ETV6: variants seen among roughly 807,000 people sequenced by gnomAD.
The protein encoded by ETV6 is ETS variant transcription factor 6.
In ETV6, 16 loss-of-function variants were observed where a neutral mutation model predicts 51.1. The observed-to-expected ratio is 0.31, with a 90% CI of 0.21 to 0.48. ETV6 has a LOEUF of 0.48. Ranked by LOEUF, ETV6 falls within the 20% of genes least tolerant of loss-of-function variation. The pLI is 0.99. For missense variants in ETV6, 458 were observed against 594.8 expected (o/e 0.77, Z 2.39); for synonymous variants, 240 against 224.1 (o/e 1.07, Z -0.64).
chr12:11,809,414 C>T lies in ETV6; in HGVS notation c.164-29726C>T, dbSNP rs181202839. ...ATCTATTTAGCCATAGCTAAAGGAA[C>T]GTATTATCAGCTATTGATTTCCTCT... On this transcript the variant is annotated intron_variant, in intron 2 of 7. Transcript: ENST00000396373. 1.0e-3 allele frequency among the ~76,000 whole-genome samples: 154 copies of T among 152,142 alleles called. 2 individuals carry two copies. In the East Asian group the frequency reaches 0.028, roughly 27 times the overall value.
At chr12:11,767,793 A>T (rs1008012865) in intron 2 of ETV6, among the ~76,000 whole-genome samples, 1 of 152,232 alleles carries the variant, frequency 6.6e-6, no homozygotes, top group Non-Finnish European at 1.5e-5. Context: ...TTGTCTGATG[A>T]AGAAGATTGC....
At chr12:11,729,927 T>G (rs2120971499) in intron 1 of ETV6, among the ~76,000 whole-genome samples, 1 of 152,342 alleles carries the variant, frequency 6.6e-6, no homozygotes, top group Admixed American at 6.5e-5. Context: ...TGTTTTTTGC[T>G]GATTCACAAA....
rs560298392 is a variant in ETV6 at position 11,836,023 on chromosome 12, T to C, written c.164-3117T>C. 5.3e-5 allele frequency among the ~76,000 whole-genome samples: 8 copies of C among 152,344 alleles called. No homozygotes were observed. In the South Asian group the frequency reaches 1.7e-3, roughly 32 times the overall value. On this transcript the variant is annotated intron_variant, in intron 2 of 7. Coordinates refer to ENST00000396373, the MANE Select transcript of ETV6 (RefSeq NM_001987.5). ...GCTAATATCTATTCATATAAAGTGC[T>C]TAGAGCAGTACTAGGTGCATAGTAG...
chr12:11,878,630 G>C (rs1345351902), intron 5 of ETV6, among the ~76,000 whole-genome samples: 1 of 151,940 alleles, frequency 6.6e-6, no homozygotes, highest in African/African-American at 2.4e-5. Context: ...GTAGATTTTT[G>C]TATTATTTGC....
At chr12:11,741,579 A>G (rs1865812712) in intron 1 of ETV6, among the ~76,000 whole-genome samples, 1 of 152,002 alleles carries the variant, frequency 6.6e-6, no homozygotes, top group Non-Finnish European at 1.5e-5. Context: ...ACATGGGGGG[A>G]GCTGCAGAGG....
At chr12:11,701,737 CAGCTA>C (rs1210775877) in intron 1 of ETV6, among the ~76,000 whole-genome samples, 1 of 152,156 alleles carries the variant, frequency 6.6e-6, no homozygotes, top group Non-Finnish European at 1.5e-5. Flanking sequence ...ACCGGGTACT[CAGCTA>C]ACTGTGGTAC....
At chr12:11,657,884 T>C (rs140045347) in intron 1 of ETV6, among the ~76,000 whole-genome samples, 84 of 152,274 alleles carry the variant, frequency 5.5e-4, no homozygotes, top group Middle Eastern at 3.4e-3. Context: ...CTTCAGGAGA[T>C]TGTAAGGTGC....
chr12:11,818,828 C>A (rs1181148814), intron 2 of ETV6, among the ~76,000 whole-genome samples: 2 of 152,102 alleles, frequency 1.3e-5, no homozygotes, highest in African/African-American at 4.8e-5. Context: ...AGTCTCACCC[C>A]TCCTCTGCAG....
chr12:11,760,896 G>GTGTGTGTGTGTGTATATAAAAGTATA (rs1407666380), intron 2 of ETV6, among the ~76,000 whole-genome samples: 6 of 141,194 alleles, frequency 4.2e-5, no homozygotes, highest in African/African-American at 7.4e-5. Context: ...GTGTGTGTGT[G>GTGTGTGTGTGTGTATATAAAAGTATA]TGTGTGTGTG....
chr12:11,865,849 T>A (rs1946784050), intron 4 of ETV6, among the ~76,000 whole-genome samples: 1 of 151,786 alleles, frequency 6.6e-6, no homozygotes, highest in African/African-American at 2.4e-5. Flanking sequence ...TGTACCTGGG[T>A]GTGGTTTTTA....
intron 1 of ETV6, among the ~76,000 whole-genome samples, chr12:11,656,542 GCCACCAC>G (rs1319583263): frequency 6.6e-6 from 1 of 152,192 alleles, no homozygotes; most frequent in African/African-American, 2.4e-5. Flanking sequence ...GTCACACAAA[GCCACCAC>G]CCACTGTGGA....
intron 2 of ETV6, among the ~76,000 whole-genome samples, chr12:11,823,291 C>T (rs918927946): frequency 7.2e-5 from 11 of 152,186 alleles, no homozygotes; most frequent in African/African-American, 2.2e-4. Context: ...GTCTCCACCA[C>T]GATCTAGGAT....
At chr12:11,713,405 G>A (rs974273027) in intron 1 of ETV6, among the ~76,000 whole-genome samples, 1 of 152,152 alleles carries the variant, frequency 6.6e-6, no homozygotes, top group Admixed American at 6.5e-5. Flanking sequence ...GTTTTACTAT[G>A]ATTGTAAACC....
At chr12:11,850,424 G>T (rs1034609547) in intron 3 of ETV6, among the ~76,000 whole-genome samples, 2 of 151,896 alleles carry the variant, frequency 1.3e-5, no homozygotes, top group African/African-American at 4.8e-5. Flanking sequence ...TTCTGGAAGG[G>T]GAACGTAAAG....
intron 4 of ETV6, among the ~76,000 whole-genome samples, chr12:11,854,982 G>A (rs1946608803): frequency 6.6e-6 from 1 of 151,946 alleles, no homozygotes; most frequent in South Asian, 2.1e-4. Flanking sequence ...AGGTGTTGGG[G>A]CACAGAAATA....
At chr12:11,713,444 GTTCTTTTGCT>G (rs1246684350) in intron 1 of ETV6, among the ~76,000 whole-genome samples, 4 of 152,156 alleles carry the variant, frequency 2.6e-5, no homozygotes, top group African/African-American at 4.8e-5. Context: ...CATAGCAAAT[GTTCTTTTGCT>G]TTCCTCTTTT....
At chr12:11,741,943 C>G (rs1224821647) in intron 1 of ETV6, among the ~76,000 whole-genome samples, 4 of 152,220 alleles carry the variant, frequency 2.6e-5, no homozygotes, top group Non-Finnish European at 5.9e-5. Flanking sequence ...ATTTACTTGG[C>G]TATTGGGATT....
At chr12:11,862,882 A>C (rs748714616) in intron 4 of ETV6, among the ~76,000 whole-genome samples, 2 of 152,180 alleles carry the variant, frequency 1.3e-5, no homozygotes, top group Non-Finnish European at 2.9e-5. Context: ...CAAGACCTTG[A>C]GCTTATGACT....
intron 2 of ETV6, among the ~76,000 whole-genome samples, chr12:11,758,131 T>C (rs1945033547): frequency 6.6e-6 from 1 of 152,102 alleles, no homozygotes; most frequent in Non-Finnish European, 1.5e-5. Flanking sequence ...AAAACCATGG[T>C]AATAGAAAGG....
Sources: allele counts gnomAD v4.1 joint callset (sites outside exome capture counted in the v4.1 genomes callset), GRCh38; gene constraint gnomAD v4.1.1; transcripts MANE v1.5; gene names NCBI Gene and HGNC (gene_info 2026-07-23, HGNC 2026-07-21).